The following SMAP1 variants were observed in gnomAD, a reference collection of about 807,000 sequenced individuals.
SMAP1 encodes stromal membrane-associated protein 1.
A neutral mutation model predicts 58.5 loss-of-function variants in SMAP1; 24 were observed. That is an observed-to-expected ratio of 0.41 (90% CI 0.30 to 0.58). SMAP1 has a LOEUF of 0.58. SMAP1 is among the 20% of genes least tolerant of loss of function. The pLI, the probability that SMAP1 is intolerant of heterozygous loss-of-function variation, is 0.29. For missense variants in SMAP1, 563 were observed against 566.3 expected, an observed-to-expected ratio of 0.99 and a Z score of 0.06; for synonymous variants, 216 against 196.6, an observed-to-expected ratio of 1.10 and a Z score of -0.82.
intron 4 of SMAP1, among the ~76,000 whole-genome samples, chr6:70,778,626 G>A (rs1473515483): frequency 6.6e-6 from 1 of 152,222 alleles, no homozygotes; most frequent in African/African-American, 2.4e-5. Context: ...TAACCCTCAA[G>A]CCCCTGGTTG....
chr6:70,849,331 C>G (rs1267795662), intron 7 of SMAP1, among the ~76,000 whole-genome samples: 2 of 152,118 alleles, frequency 1.3e-5, no homozygotes, highest in African/African-American at 4.8e-5. Context: ...CATGACAGCT[C>G]CATTAACCAT....
intron 4 of SMAP1, among the ~76,000 whole-genome samples, chr6:70,785,160 C>T (rs577081408): frequency 1.8e-4 from 28 of 152,236 alleles, no homozygotes; most frequent in East Asian, 3.9e-4. Context: ...CACTCGAAAC[C>T]GCTCAGCTAC....
At chr6:70,755,772 T>C (rs962182689) in intron 3 of SMAP1, among the ~76,000 whole-genome samples, 2 of 152,066 alleles carry the variant, frequency 1.3e-5, no homozygotes, top group Non-Finnish European at 2.9e-5. Context: ...GAAACTTGAT[T>C]TGTAAGCATC....
intron 1 of SMAP1, among the ~76,000 whole-genome samples, chr6:70,692,787 T>G (rs144783282): frequency 0.013 from 1,988 of 152,244 alleles, 12 homozygotes; most frequent in Non-Finnish European, 0.022. Flanking sequence ...GTGTCTATTT[T>G]TTGTTGTTGT....
At chr6:70,732,690 G>A (rs1362328934) in intron 2 of SMAP1, among the ~76,000 whole-genome samples, 179 bp downstream of exon 2, 1 of 152,152 alleles carries the variant, frequency 6.6e-6, no homozygotes, top group Non-Finnish European at 1.5e-5. Flanking sequence ...TTCATTTTGT[G>A]TCTATAGTAA....
chr6:70,766,014 C>T (rs1241368844), intron 3 of SMAP1, among the ~76,000 whole-genome samples: 8 of 150,816 alleles, frequency 5.3e-5, no homozygotes, highest in African/African-American at 9.8e-5. Context: ...TTTGTTCTTG[C>T]GATAGTTTAC....
intron 6 of SMAP1, among the ~76,000 whole-genome samples, chr6:70,831,861 G>A (rs992889691): frequency 3.3e-5 from 5 of 152,120 alleles, no homozygotes; most frequent in African/African-American, 1.2e-4. Context: ...CACAATGACT[G>A]GACTAATTTA....
intron 6 of SMAP1, among the ~76,000 whole-genome samples, chr6:70,824,075 A>G (rs1490544683): frequency 6.6e-6 from 1 of 152,016 alleles, no homozygotes; most frequent in African/African-American, 2.4e-5. Flanking sequence ...CTATCCCCAT[A>G]AGTTGATTCT....
chr6:70,750,386 AATGTG>A (rs1766227286), intron 2 of SMAP1, among the ~76,000 whole-genome samples: 1 of 152,200 alleles, frequency 6.6e-6, no homozygotes, highest in African/African-American at 2.4e-5. Flanking sequence ...AAATTAGACA[AATGTG>A]ATAAGCAAAT....
intron 1 of SMAP1, among the ~76,000 whole-genome samples, chr6:70,726,840 G>A (rs549722956): frequency 6.6e-6 from 1 of 151,484 alleles, no homozygotes; most frequent in African/African-American, 2.4e-5. Context: ...TTATCTGAAA[G>A]TTAGTAGTCA....
At chr6:70,750,216 C>T (rs773768224) in intron 2 of SMAP1, among the ~76,000 whole-genome samples, 7 of 152,086 alleles carry the variant, frequency 4.6e-5, no homozygotes, top group Non-Finnish European at 7.4e-5. Context: ...GCCCTGTTGA[C>T]ATAAAACAGT....
At chr6:70,791,102 A>G (rs1278307290) in intron 4 of SMAP1, among the ~76,000 whole-genome samples, 1 of 152,188 alleles carries the variant, frequency 6.6e-6, no homozygotes, top group Non-Finnish European at 1.5e-5. Context: ...TGCTGATCTT[A>G]ATGAAGCATA....
At chr6:70,776,815 T>C (rs146770268) in intron 4 of SMAP1, among the ~76,000 whole-genome samples, 2 of 152,200 alleles carry the variant, frequency 1.3e-5, no homozygotes, top group Non-Finnish European at 2.9e-5. Flanking sequence ...CTGTGAATGG[T>C]AGGATTTCAT....
chr6:70,683,336 A>AT (rs1187914618), intron 1 of SMAP1, among the ~76,000 whole-genome samples: 5 of 149,878 alleles, frequency 3.3e-5, no homozygotes, highest in Non-Finnish European at 5.9e-5. Context: ...CGCCTGGCTA[A>AT]TTTTTTTTTG....
At chr6:70,848,219 C>T (rs1307210004) in intron 7 of SMAP1, among the ~76,000 whole-genome samples, 1 of 152,072 alleles carries the variant, frequency 6.6e-6, no homozygotes, top group Non-Finnish European at 1.5e-5. Flanking sequence ...ACAGTTGCTT[C>T]CAGGAGCCCA....
At chr6:70,715,979 A>C (rs1019059034) in intron 1 of SMAP1, among the ~76,000 whole-genome samples, 2 of 152,166 alleles carry the variant, frequency 1.3e-5, no homozygotes, top group Admixed American at 6.5e-5. Context: ...GTGAGAACAT[A>C]ATGATGTTTG....
intron 6 of SMAP1, among the ~76,000 whole-genome samples, chr6:70,805,003 T>A (rs942425010): frequency 2.6e-5 from 4 of 152,014 alleles, no homozygotes; most frequent in Admixed American, 2.6e-4. Context: ...TTGAAGAGTA[T>A]CTTTGTGGTG....
intron 1 of SMAP1, among the ~76,000 whole-genome samples, chr6:70,700,281 C>T (rs1023110795): frequency 6.6e-6 from 1 of 152,182 alleles, no homozygotes; most frequent in Non-Finnish European, 1.5e-5. Flanking sequence ...AATTGTACAG[C>T]CAGCAGAACA....
At chr6:70,827,289 C>T (rs1355962668) in intron 6 of SMAP1, among the ~76,000 whole-genome samples, 1 of 151,982 alleles carries the variant, frequency 6.6e-6, no homozygotes, top group Non-Finnish European at 1.5e-5. Flanking sequence ...AGAATAAATC[C>T]CTCAGATAGT....
Sources: allele counts gnomAD v4.1 joint callset (sites outside exome capture counted in the v4.1 genomes callset), GRCh38; gene constraint gnomAD v4.1.1; transcripts MANE v1.5; gene names NCBI Gene and HGNC (gene_info 2026-07-23, HGNC 2026-07-21).